The following ADGRA3 variants were observed in gnomAD, a reference collection of about 807,000 sequenced individuals.
The protein encoded by ADGRA3 is G-protein coupled receptor 125.
In ADGRA3, 56 loss-of-function variants were observed where a neutral mutation model predicts 119.8. The ratio of observed to expected loss-of-function variants is 0.47; its 90% CI spans 0.38 to 0.58. The LOEUF is 0.58. Among genes scored for constraint, ADGRA3 ranks in the 20% least tolerant of loss-of-function variants. ADGRA3 has a pLI of 0.00. For missense variants in ADGRA3, 1,516 were observed against 1,649.0 expected, an observed-to-expected ratio of 0.92 and a Z score of 1.40; for synonymous variants, 607 against 623.8, an observed-to-expected ratio of 0.97 and a Z score of 0.40.
At chr4:22,397,209 G>T (rs1221057313) in intron 16 of ADGRA3, among the ~76,000 whole-genome samples, 2 of 125,908 alleles carry the variant, frequency 1.6e-5, no homozygotes, top group Non-Finnish European at 3.1e-5. Flanking sequence ...TTGAGATGGA[G>T]TCTCGCTCTG....
intron 10 of ADGRA3, among the ~76,000 whole-genome samples, chr4:22,427,696 G>A (rs77206734): frequency 0.011 from 1,725 of 152,216 alleles, 45 homozygotes; most frequent in East Asian, 0.044. Flanking sequence ...TGACACAAAA[G>A]GGGTAACAAT....
intron 14 of ADGRA3, among the ~76,000 whole-genome samples, chr4:22,408,919 T>C (rs1289534913): frequency 6.6e-6 from 1 of 152,164 alleles, no homozygotes; most frequent in Non-Finnish European, 1.5e-5. Context: ...AATGGACTGC[T>C]ACACTGCAAT....
At chr4:22,394,209 G>A (rs1317581463) in intron 16 of ADGRA3, 1 of 151,990 alleles carries the variant, frequency 6.6e-6, no homozygotes, top group African/African-American at 2.4e-5. Context: ...TAAAATTATG[G>A]ACCACTGTCC....
chr4:22,394,399 A>AAAT (rs1182104858), intron 16 of ADGRA3: 1 of 152,244 alleles, frequency 6.6e-6, no homozygotes. Context: ...TGATCGTCTT[A>AAAT]AAAAGAAAAG....
At chr4:22,491,490 GCCTTCAGTGTCTGTC>G (rs1718622216) in intron 1 of ADGRA3, among the ~76,000 whole-genome samples, 1 of 152,124 alleles carries the variant, frequency 6.6e-6, no homozygotes, top group Non-Finnish European at 1.5e-5. Context: ...CTCTACTTTA[GCCTTCAGTGTCTGTC>G]CCTTCAGAGT....
chr4:22,427,725 G>T (rs755621742), intron 10 of ADGRA3, among the ~76,000 whole-genome samples: 12 of 152,074 alleles, frequency 7.9e-5, no homozygotes, highest in Non-Finnish European at 1.3e-4. Flanking sequence ...AATTACACTG[G>T]ATTAAAAAAA....
chr4:22,448,186 C>A (rs1323126951), intron 4 of ADGRA3, among the ~76,000 whole-genome samples: 1 of 152,136 alleles, frequency 6.6e-6, no homozygotes, highest in East Asian at 1.9e-4. Context: ...CGAATTATTT[C>A]TTTCATACCG....
At chr4:22,465,700 A>ATT (rs946120515) in intron 2 of ADGRA3, among the ~76,000 whole-genome samples, 7 of 152,216 alleles carry the variant, frequency 4.6e-5, no homozygotes, top group African/African-American at 1.7e-4. Context: ...AGATTAAGAA[A>ATT]TTCGGCCAAG....
intron 7 of ADGRA3, 96 bp downstream of exon 7, chr4:22,442,554 A>AATATT: frequency 1.3e-6 from 1 of 760,864 alleles, no homozygotes; most frequent in Admixed American, 3.1e-5. Flanking sequence ...AAGAAGATGA[A>AATATT]ATATTAATTC....
rs557856560 is a variant in ADGRA3 at position 22,395,329 on chromosome 4, C to A, written c.2482-2639G>T. Among the ~76,000 whole-genome samples, 159 of 152,170 alleles carry A rather than the reference C, an allele frequency of 1.0e-3. 1 individual carries two copies. Among genetic ancestry groups the A allele is most frequent in the Non-Finnish European group, 1.4e-3 (92 of 68,000 alleles). ...GCCTACAGCAGTGCATTATGCATAA[C>A]AATTGTGCCAAAAAATAAACTTTAT... On this transcript the variant is annotated intron_variant, in intron 16 of 18. Transcript: ENST00000334304.
At chr4:22,472,840 A>G (rs1045196313) in intron 2 of ADGRA3, among the ~76,000 whole-genome samples, 1 of 152,166 alleles carries the variant, frequency 6.6e-6, no homozygotes, top group Admixed American at 6.5e-5. Context: ...GACATCTTAC[A>G]GTGTAGCTCC....
intron 1 of ADGRA3, among the ~76,000 whole-genome samples, chr4:22,500,508 T>C (rs1719015457): frequency 8.6e-6 from 1 of 116,630 alleles, no homozygotes; most frequent in South Asian, 3.5e-4. Flanking sequence ...AACACGGTTC[T>C]GAAAGTCAAA....
At chr4:22,479,582 G>A (rs190534060) in intron 1 of ADGRA3, among the ~76,000 whole-genome samples, 73 of 152,218 alleles carry the variant, frequency 4.8e-4, no homozygotes, top group African/African-American at 1.7e-3. Flanking sequence ...GTAGAAGACA[G>A]CATGGCGATT....
At chr4:22,432,450 T>TTGA (rs1451676789) in intron 10 of ADGRA3, among the ~76,000 whole-genome samples, 4 of 151,810 alleles carry the variant, frequency 2.6e-5, no homozygotes, top group Non-Finnish European at 5.9e-5. Flanking sequence ...TACAAAATAA[T>TTGA]CATAATTGTC....
At chr4:22,511,498 G>T (rs1201455640) in intron 1 of ADGRA3, among the ~76,000 whole-genome samples, 1 of 152,104 alleles carries the variant, frequency 6.6e-6, no homozygotes, top group African/African-American at 2.4e-5. Flanking sequence ...TTTAGGCTAT[G>T]ATGAAGACCA....
chr4:22,419,194 G>A (rs1000348058), intron 12 of ADGRA3, among the ~76,000 whole-genome samples: 34 of 151,560 alleles, frequency 2.2e-4, no homozygotes, highest in African/African-American at 7.3e-4. Flanking sequence ...CCATTTAAAG[G>A]CAGTGCAATC....
At chr4:22,504,688 C>G (rs1719176526) in intron 1 of ADGRA3, among the ~76,000 whole-genome samples, 1 of 151,840 alleles carries the variant, frequency 6.6e-6, no homozygotes, top group South Asian at 2.1e-4. Flanking sequence ...CAGCCCCTCC[C>G]TCTCACATGA....
intron 1 of ADGRA3, among the ~76,000 whole-genome samples, chr4:22,500,453 A>G (rs750300827): frequency 1.7e-5 from 2 of 116,414 alleles, no homozygotes; most frequent in Non-Finnish European, 3.8e-5. Context: ...CAACATTCCA[A>G]CGTTGGTTGT....
intron 7 of ADGRA3, among the ~76,000 whole-genome samples, chr4:22,439,657 A>G (rs1281536606): frequency 6.6e-6 from 1 of 152,232 alleles, no homozygotes; most frequent in African/African-American, 2.4e-5. Flanking sequence ...AAAAATAAAC[A>G]TACTGTAATT....
Sources: allele counts gnomAD v4.1 joint callset (sites outside exome capture counted in the v4.1 genomes callset), GRCh38; gene constraint gnomAD v4.1.1; transcripts MANE v1.5; gene names NCBI Gene and HGNC (gene_info 2026-07-23, HGNC 2026-07-21).